Variants in SLC36A4 observed in about 807,000 individuals in gnomAD.
SLC36A4 encodes the protein solute carrier family 36 member 4.
Under a neutral mutation model 50.5 loss-of-function variants are expected in SLC36A4, and 49 were observed. That is an observed-to-expected ratio of 0.97 (90% confidence interval 0.77 to 1.23). The LOEUF is 1.23. Among genes scored for constraint, SLC36A4 ranks in the 50% most tolerant of loss-of-function variants. The pLI, the probability that SLC36A4 is intolerant of heterozygous loss-of-function variation, is 0.00. For synonymous variants in SLC36A4, 207 were observed against 206.5 expected, an observed-to-expected ratio of 1.00 and a Z score of -0.02; for missense variants, 611 against 608.4, an observed-to-expected ratio of 1.00 and a Z score of -0.05.
chr11:93,173,319 T>A (rs1472045195), intron 6 of SLC36A4, among the ~76,000 whole-genome samples: 1 of 149,346 alleles, frequency 6.7e-6, no homozygotes, highest in Non-Finnish European at 1.5e-5. Context: ...TAAATTTGTT[T>A]GAGTTCATTG....
chr11:93,168,265 C>A, intron 6 of SLC36A4, 94 bp from the exon 7 acceptor site: 1 of 614,470 alleles, frequency 1.6e-6, no homozygotes, highest in Non-Finnish European at 2.8e-6. Flanking sequence ...ACAACATATA[C>A]ACTCTACAAT....
At chr11:93,170,927 TG>T (rs1343061409) in intron 6 of SLC36A4, among the ~76,000 whole-genome samples, 2 of 152,064 alleles carry the variant, frequency 1.3e-5, no homozygotes, top group Non-Finnish European at 2.9e-5. Context: ...TTCAATTTCA[TG>T]TAGACTAAGG....
intron 1 of SLC36A4, among the ~76,000 whole-genome samples, chr11:93,194,761 A>C (rs1245108365): frequency 6.6e-6 from 1 of 152,156 alleles, no homozygotes; most frequent in Non-Finnish European, 1.5e-5. Context: ...TCTGTCTCCT[A>C]GCTTTAAATA....
chr11:93,164,876 C>T (rs1189494884), intron 8 of SLC36A4, among the ~76,000 whole-genome samples: 1 of 152,006 alleles, frequency 6.6e-6, no homozygotes, highest in East Asian at 1.9e-4. Flanking sequence ...GCTTAAGCAA[C>T]TGAAGATAAA....
chr11:93,197,230 G>A (rs1009331817), intron 1 of SLC36A4: 1 of 153,628 alleles, frequency 6.5e-6, no homozygotes, highest in African/African-American at 2.4e-5. Context: ...AAACAAACAC[G>A]CCCTGTCGCC....
intron 10 of SLC36A4, among the ~76,000 whole-genome samples, chr11:93,151,520 T>C (rs905448517): frequency 1.3e-5 from 2 of 152,038 alleles, no homozygotes; most frequent in Non-Finnish European, 2.9e-5. Flanking sequence ...TCATTTTAAT[T>C]ATACAAATAG....
At position 93,154,136 on chromosome 11, in the gene SLC36A4, C is replaced by T. The variant is rs1860235576; in HGVS notation, c.1179G>A (p.Gly393=). 1.9e-6 allele frequency: 3 copies of T among 1,549,832 alleles called. No individual in the cohort carries two copies. The highest frequency in any genetic ancestry group is 1.4e-5 in the African/African-American group (1 of 72,208). Reference sequence around the variant, plus strand: ...TAATACTAACCAAGAAGGATCTTATCCCAAATTCACAGATTTGCTTCCATT... The same window carrying T: ...TAATACTAACCAAGAAGGATCTTATTCCAAATTCACAGATTTGCTTCCATT... ...HTKWKQICEF[G]IRSFLVSITC... is the part of the protein sequence containing the mutation. Residue 393 remains glycine (G), a synonymous_variant, in exon 10 of 11, where the codon GGG becomes GGA. Transcript: ENST00000326402.
chr11:93,187,691 G>A (rs1862049121), intron 1 of SLC36A4, among the ~76,000 whole-genome samples: 1 of 152,170 alleles, frequency 6.6e-6, no homozygotes, highest in Non-Finnish European at 1.5e-5. Flanking sequence ...TGTCACTATA[G>A]TGAAGTTCAG....
intron 6 of SLC36A4, 99 bp downstream of exon 6, chr11:93,180,698 A>G (rs745432096): frequency 1.2e-6 from 1 of 817,130 alleles, no homozygotes; most frequent in Non-Finnish European, 2.0e-6. Context: ...TGAAAGGAAC[A>G]CATTTTCAAA....
chr11:93,154,396 T>C, intron 9 of SLC36A4, 119 bp from the exon 10 acceptor site: 1 of 442,398 alleles, frequency 2.3e-6, no homozygotes, highest in Non-Finnish European at 3.8e-6. Flanking sequence ...AGAACCTTAC[T>C]AACTAAAAAT....
At chr11:93,163,090 A>G (rs1860704403) in intron 8 of SLC36A4, among the ~76,000 whole-genome samples, 1 of 151,892 alleles carries the variant, frequency 6.6e-6, no homozygotes, top group African/African-American at 2.4e-5. Flanking sequence ...TGGCAGGCAA[A>G]CCTGTTAGTT....
chr11:93,154,113 A>G lies in SLC36A4; in HGVS notation c.1202T>C (p.Ile401Thr). 2 of 1,470,900 alleles carry G rather than the reference A, an allele frequency of 1.4e-6. No individual in the cohort carries two copies. The highest frequency in any genetic ancestry group is 1.8e-6 in the Non-Finnish European group (2 of 1,095,086). 91.1% of individuals were successfully genotyped at this position (1,470,900 alleles called of 1,614,324 possible). The change falls in exon 10 of 11, where the codon ATT (isoleucine) becomes ACT (threonine). Residue 401 changes from isoleucine to threonine, a missense_variant. By Grantham distance (89) the Ile-to-Thr change is moderately conservative. Coordinates refer to ENST00000326402, the MANE Select transcript of SLC36A4 (RefSeq NM_152313.4). The part of the protein sequence containing the change: ...EFGIRSFLVS[I>T]TCAGAILIPR... ...AAATATATAATGATACTTACAAGTA[A>G]TACTAACCAAGAAGGATCTTATCCC...
Position 93,145,425 on chromosome 11 carries a change from GA to G in SLC36A4, c.*3111del, listed in dbSNP as rs1229130793. ...ATCATCTAAACTGGTTTTTAACCAA[GA>G]ATACGCTGTAGCTCTTATTTTCTTA... On this transcript the variant is annotated 3_prime_UTR_variant, in exon 11 of 11. Transcript: ENST00000326402. The G allele has an allele frequency of 6.6e-6, 1 of 152,042 alleles. No homozygotes were observed. The highest frequency in any genetic ancestry group is 1.5e-5 in the Non-Finnish European group (1 of 67,980). The allele number at this position is 152,042 out of a possible 1,614,324, so 9.4% of individuals were successfully genotyped here.
chr11:93,162,720 A>C lies in SLC36A4; in HGVS notation c.1023T>G (p.Leu341=), dbSNP rs1353337878. ...DEIKGSITLN[L]PQDVWLYQSV... ...TATACACCTACCATACATCTTGGGG[A>C]AGATTTAAAGTTATGCTGCCTTTGA... Residue 341 remains leucine, a synonymous_variant, in exon 9 of 11, where the codon CTT becomes CTG. Coordinates refer to ENST00000326402, the MANE Select transcript of SLC36A4 (RefSeq NM_152313.4). 1 of 1,608,856 alleles carries C rather than the reference A, an allele frequency of 6.2e-7. No individual in the cohort carries two copies.
Position 93,148,385 on chromosome 11 carries a change from TAA to T in SLC36A4, c.*150_*151del. ...TTTTTCATAGGTTTACCACTACTGG[TAA>T]AGAGTTATGATTACTTCCAAAATAT... On this transcript the variant is annotated 3_prime_UTR_variant, in exon 11 of 11. Transcript: ENST00000326402. 1 of 701,192 alleles carries T rather than the reference TAA, an allele frequency of 1.4e-6. No homozygotes were observed. Among genetic ancestry groups the T allele is most frequent in the Non-Finnish European group, 2.3e-6 (1 of 425,624 alleles). 43.4% of individuals were successfully genotyped at this position (701,192 alleles called of 1,614,324 possible). A position where few individuals can be genotyped will look rare whatever the true frequency, so the allele number is the denominator to read the frequency against.
In SLC36A4 at chr11:93,148,816, T is replaced by C; in HGVS notation, c.1236A>G (p.Leu412=). 1 of 1,611,588 alleles carries C rather than the reference T, an allele frequency of 6.2e-7. No individual in the cohort carries two copies. Among genetic ancestry groups the C allele is most frequent in the South Asian group, 1.1e-5 (1 of 90,644 alleles). ...TCAGAILIPR[L]DIVISFVGAV... is the part of the protein sequence containing the mutation. ...CTCCAACGAAGGAAATCACAATGTC[T>C]AAACGAGGAATAAGAATTGCTCCGG... is the stretch of plus-strand genomic sequence containing the variant. The change falls in exon 11 of 11, where the codon TTA becomes TTG. Residue 412 remains leucine (L), a synonymous_variant. Transcript: ENST00000326402.
intron 9 of SLC36A4, among the ~76,000 whole-genome samples, chr11:93,161,111 A>T (rs1860598433): frequency 6.6e-6 from 1 of 152,192 alleles, no homozygotes; most frequent in African/African-American, 2.4e-5. Context: ...AAGCACTGGG[A>T]TTCCAGACAT....
chr11:93,193,531 T>C (rs1203824295), intron 1 of SLC36A4, among the ~76,000 whole-genome samples: 1 of 152,152 alleles, frequency 6.6e-6, no homozygotes, highest in Non-Finnish European at 1.5e-5. Context: ...GGAGAAATTA[T>C]ATATAAATAA....
At chr11:93,150,970 T>G (rs1484199372) in intron 10 of SLC36A4, among the ~76,000 whole-genome samples, 2 of 152,024 alleles carry the variant, frequency 1.3e-5, no homozygotes, top group African/African-American at 4.8e-5. Context: ...GAAAACTATG[T>G]GGGGGAATAC....
Sources: allele counts gnomAD v4.1 joint callset (sites outside exome capture counted in the v4.1 genomes callset), GRCh38; gene constraint gnomAD v4.1.1; transcripts MANE v1.5; gene names NCBI Gene and HGNC (gene_info 2026-07-23, HGNC 2026-07-21).